STK4: variants seen among roughly 807,000 people sequenced by gnomAD.
The protein encoded by STK4 is serine/threonine kinase 4.
STK4 carries 30 observed loss-of-function variants against 64.9 expected under a neutral mutation model. That is an observed-to-expected ratio of 0.46 (90% CI 0.35 to 0.63). The LOEUF is 0.63. Ranked by LOEUF, STK4 falls within the 20% of genes least tolerant of loss-of-function variation. The pLI is 0.01. For synonymous variants in STK4, 177 were observed against 199.0 expected, an observed-to-expected ratio of 0.89 and a Z score of 0.93; for missense variants, 466 against 598.5, an observed-to-expected ratio of 0.78 and a Z score of 2.31.
At chr20:45,005,647 CAAAA>C (rs1214893882) in intron 9 of STK4, among the ~76,000 whole-genome samples, 4 of 65,690 alleles carry the variant, frequency 6.1e-5, no homozygotes, top group Non-Finnish European at 3.1e-5. Context: ...GACTCTGTCT[CAAAA>C]AAAAAAAAAA....
In STK4 at chr20:44,978,460, A is replaced by T. The variant is rs1271653511; in HGVS notation, c.134A>T (p.Tyr45Phe). ...KLGEGSYGSV[Y>F]KAIHKETGQI... The stretch of plus-strand genomic sequence containing the variant: ...ATGTATAGGTCCTATGGCAGCGTAT[A>T]CAAAGCTATTCATAAAGAGACCGGC... Residue 45 changes from tyrosine to phenylalanine, a missense_variant, in exon 3 of 11, where the codon TAC (tyrosine) becomes TTC (phenylalanine). Physicochemically the swap from Tyr to Phe is conservative, Grantham distance 22. Around this residue, in one of 2 missense-constraint regions of STK4, gnomAD observed 190 missense variants for 289.7 expected, o/e 0.66. Transcript: ENST00000372806. 1.2e-6 allele frequency: 2 copies of T among 1,613,984 alleles called. No individual in the cohort carries two copies. The highest frequency in any genetic ancestry group is 2.7e-5 in the African/African-American group (2 of 74,934).
At position 45,026,128 on chromosome 20, in the gene STK4, G is replaced by GGTTTTTTTTTTT. The variant is rs1490924969; in HGVS notation, c.1305+998_1305+999insGTTTTTTTTTTT. Among the ~76,000 whole-genome samples the GGTTTTTTTTTTT allele has an allele frequency of 2.7e-3, 354 of 128,758 alleles. 5 individuals are homozygous for GGTTTTTTTTTTT. Among genetic ancestry groups the GGTTTTTTTTTTT allele is most frequent in the African/African-American group, 9.3e-3 (310 of 33,294 alleles). The allele number at this position is 128,758 out of a possible 152,430, so 84.5% of individuals were successfully genotyped here. ...TGTTCATTTACTTACTTATCCAGTG[G>GGTTTTTTTTTTT]TTTTTTTTTTTTTTTTTGGATGTCA... On this transcript the variant is annotated intron_variant, in intron 10 of 10. Transcript: ENST00000372806.
intron 10 of STK4, among the ~76,000 whole-genome samples, chr20:45,069,664 T>C (rs752313694): frequency 6.6e-6 from 1 of 152,230 alleles, no homozygotes; most frequent in Non-Finnish European, 1.5e-5. Flanking sequence ...CTGACTCTTC[T>C]TAGCACCCAT....
At chr20:45,063,205 AC>A (rs922725089) in intron 10 of STK4, among the ~76,000 whole-genome samples, 16 of 147,876 alleles carry the variant, frequency 1.1e-4, no homozygotes, top group African/African-American at 3.8e-4. Flanking sequence ...ATGGGGTTTC[AC>A]CATGTTTCCC....
At chr20:45,050,206 G>A (rs1414032714) in intron 10 of STK4, among the ~76,000 whole-genome samples, 1 of 152,198 alleles carries the variant, frequency 6.6e-6, no homozygotes, top group African/African-American at 2.4e-5. Context: ...GGGGGAGCCA[G>A]TTTGGCCTGT....
intron 10 of STK4, among the ~76,000 whole-genome samples, chr20:45,062,562 C>G (rs995896686): frequency 1.3e-5 from 2 of 152,242 alleles, no homozygotes; most frequent in Non-Finnish European, 2.9e-5. Context: ...TAAGCATTCT[C>G]TTTTCTCCAC....
In STK4 at chr20:45,045,208, A is replaced by G. The variant is rs1274293796; in HGVS notation, c.1305+20078A>G. 3.9e-5 allele frequency among the ~76,000 whole-genome samples: 6 copies of G among 152,322 alleles called. No individual in the cohort carries two copies. The East Asian group carries it at 1.2e-3, about 29-fold the overall frequency. ...ACTTTAGATCTAGGTAGCATTTAAT[A>G]TAGTTAAAGATGCATTCATAGTTTG... On this transcript the variant is annotated intron_variant, in intron 10 of 10. Coordinates refer to ENST00000372806, the MANE Select transcript of STK4 (RefSeq NM_006282.5).
chr20:45,040,822 C>T (rs893126148), intron 10 of STK4, among the ~76,000 whole-genome samples: 1 of 151,128 alleles, frequency 6.6e-6, no homozygotes, highest in South Asian at 2.1e-4. Flanking sequence ...AGATTGAATA[C>T]TACTAGTTTT....
chr20:45,018,004 T>C (rs2267859), intron 9 of STK4, among the ~76,000 whole-genome samples: 79,383 of 152,042 alleles, frequency 0.52, 21,904 homozygotes, highest in African/African-American at 0.68. Context: ...TATTTATGGC[T>C]GTACACAGCT....
intron 10 of STK4, among the ~76,000 whole-genome samples, chr20:45,031,649 C>T (rs954196705): frequency 3.3e-5 from 5 of 152,086 alleles, no homozygotes; most frequent in East Asian, 1.9e-4. Flanking sequence ...TGCCTGTAAT[C>T]CCAGCACTTT....
In STK4 at chr20:44,975,215, T is replaced by C. The variant is rs142896822; in HGVS notation, c.116+3057T>C. The C allele has an allele frequency of 1.7e-3, 414 of 240,490 alleles. 2 individuals carry two copies. Among genetic ancestry groups the C allele is most frequent in the African/African-American group, 7.4e-3 (319 of 42,870 alleles). The allele number at this position is 240,490 out of a possible 1,614,324, so 14.9% of individuals were successfully genotyped here. A position where few individuals can be genotyped will look rare whatever the true frequency, so the allele number is the denominator to read the frequency against. On this transcript the variant is annotated intron_variant, in intron 2 of 10. Coordinates refer to ENST00000372806, the MANE Select transcript of STK4 (RefSeq NM_006282.5). ...TACTTCTCCATTCTCTGCTGTCAGT[T>C]GTAATTCATTGAATCATCTCATTTT...
At chr20:45,046,595 A>T (rs2068698844) in intron 10 of STK4, among the ~76,000 whole-genome samples, 1 of 149,654 alleles carries the variant, frequency 6.7e-6, no homozygotes, top group African/African-American at 2.5e-5. Flanking sequence ...TTGTTCCTGA[A>T]TTTTTCTTCT....
chr20:44,997,029 T>C (rs759642344), intron 6 of STK4, 140 bp from the exon 7 acceptor site: 59 of 1,160,660 alleles, frequency 5.1e-5, no homozygotes, highest in Non-Finnish European at 6.1e-5. Context: ...CTTAGACTTT[T>C]GTTGGAATTT....
At position 45,048,733 on chromosome 20, in the gene STK4, C is replaced by T. The variant is rs545959657; in HGVS notation, c.1305+23603C>T. On this transcript the variant is annotated intron_variant, in intron 10 of 10. Coordinates refer to ENST00000372806, the MANE Select transcript of STK4 (RefSeq NM_006282.5). ...CTGACCTCAGGTGATCCATCCGCCT[C>T]GGCCTCCCAAAGTGCTGGAATTACA... Among the ~76,000 whole-genome samples, 418 of 152,190 alleles carry T rather than the reference C, an allele frequency of 2.7e-3. 1 individual carries two copies. The highest frequency in any genetic ancestry group is 5.3e-3 in the Non-Finnish European group (358 of 67,994).
In STK4 at chr20:45,072,358, A is replaced by G. The variant is rs189335960; in HGVS notation, c.1306-2660A>G. On this transcript the variant is annotated intron_variant, in intron 10 of 10. Transcript: ENST00000372806. ...CTAACTTATATGTCTTCATTTTGCAATTTATTCTTCATCCTAGTGGCTAGA... is the reference window on the plus strand; with the variant it reads ...CTAACTTATATGTCTTCATTTTGCAGTTTATTCTTCATCCTAGTGGCTAGA... Among the ~76,000 whole-genome samples the G allele has an allele frequency of 1.5e-4, 23 of 152,316 alleles. No individual in the cohort carries two copies. The East Asian group carries it at 4.2e-3, about 28-fold the overall frequency.
chr20:45,026,128 G>GGTT (rs1490924969), intron 10 of STK4, among the ~76,000 whole-genome samples: 2 of 128,964 alleles, frequency 1.6e-5, no homozygotes, highest in African/African-American at 6.0e-5. Flanking sequence ...TTATCCAGTG[G>GGTT]TTTTTTTTTT....
intron 1 of STK4, among the ~76,000 whole-genome samples, chr20:44,971,440 T>C (rs1221032704): frequency 2.0e-5 from 3 of 152,258 alleles, no homozygotes; most frequent in African/African-American, 7.2e-5. Context: ...AATTTATGTG[T>C]TTTGACAAAC....
intron 10 of STK4, among the ~76,000 whole-genome samples, chr20:45,062,770 C>T (rs1019753801): frequency 3.6e-4 from 54 of 151,694 alleles, no homozygotes; most frequent in Admixed American, 8.5e-4. Context: ...CTCCGCCTCC[C>T]GGGTTCACGC....
intron 3 of STK4, among the ~76,000 whole-genome samples, chr20:44,979,325 G>C (rs764964387): frequency 2.0e-5 from 3 of 152,100 alleles, no homozygotes; most frequent in East Asian, 1.9e-4. Flanking sequence ...ATATACTACT[G>C]TTTGTTCCTT....
Sources: allele counts gnomAD v4.1 joint callset (sites outside exome capture counted in the v4.1 genomes callset), GRCh38; gene constraint gnomAD v4.1.1; regional missense constraint gnomAD v4.1.1; transcripts MANE v1.5; gene names NCBI Gene and HGNC (gene_info 2026-07-23, HGNC 2026-07-21).